The following KANSL1 variants were observed in gnomAD, a reference collection of about 807,000 sequenced individuals.
KANSL1 encodes the protein KAT8 regulatory NSL complex subunit 1, also known as MLL1/MLL complex subunit KANSL1.
A neutral mutation model predicts 103.6 loss-of-function variants in KANSL1; 22 were observed. The observed-to-expected ratio is 0.21, with a 90% CI of 0.15 to 0.30. The LOEUF is 0.30. KANSL1 is among the 10% of genes least tolerant of loss of function. KANSL1 has a pLI of 1.00. For synonymous variants in KANSL1, 600 were observed against 527.6 expected, an observed-to-expected ratio of 1.14 and a Z score of -1.88; for missense variants, 1,337 against 1,399.8, an observed-to-expected ratio of 0.96 and a Z score of 0.72.
chr17:46,163,594 G>C (rs2147647571), intron 2 of KANSL1, among the ~76,000 whole-genome samples: 1 of 152,292 alleles, frequency 6.6e-6, no homozygotes, highest in South Asian at 2.1e-4. Flanking sequence ...TAAGACTCTA[G>C]TAAAGAACCT....
chr17:46,062,684 T>C (rs1205723264), intron 6 of KANSL1, among the ~76,000 whole-genome samples: 1 of 151,892 alleles, frequency 6.6e-6, no homozygotes, highest in East Asian at 1.9e-4. Flanking sequence ...AAAGAGTTAC[T>C]GCACTAAACG....
chr17:46,171,417 G>C lies in KANSL1; in HGVS notation c.727C>G (p.Gln243Glu). Residue 243 changes from glutamine (Q) to glutamate (E), a missense_variant, in exon 2 of 15, where the codon CAA (glutamine) becomes GAA (glutamate). By Grantham distance (29) the Gln-to-Glu change is conservative. Coordinates refer to ENST00000432791, the MANE Select transcript of KANSL1 (RefSeq NM_015443.4). ...SVNSMEQPAL[Q>E]GSSRLSPGTD... ...CCAGGTGATAATCTACTGCTTCCTT[G>C]AAGTGCCGGCTGTTCCATGGAATTG... 6.2e-7 allele frequency: 1 copy of C among 1,614,016 alleles called. No homozygotes were observed. The highest frequency in any genetic ancestry group is 8.5e-7 in the Non-Finnish European group (1 of 1,179,954).
intron 2 of KANSL1, chr17:46,170,640 C>T: frequency 3.7e-6 from 2 of 539,740 alleles, no homozygotes; most frequent in South Asian, 6.7e-5. Flanking sequence ...GAAATTACCA[C>T]CATTTAGACT....
At chr17:46,084,595 T>C (rs2079095609) in intron 3 of KANSL1, among the ~76,000 whole-genome samples, 1 of 149,186 alleles carries the variant, frequency 6.7e-6, no homozygotes, top group African/African-American at 2.5e-5. Context: ...GGCAGGAGAA[T>C]CGCTTGAACC....
intron 2 of KANSL1, among the ~76,000 whole-genome samples, chr17:46,167,316 A>G (rs1441970063): frequency 6.6e-6 from 1 of 152,234 alleles, no homozygotes; most frequent in Non-Finnish European, 1.5e-5. Context: ...AATATAAAAG[A>G]AAGAAGAGCA....
intron 1 of KANSL1, among the ~76,000 whole-genome samples, chr17:46,200,313 T>TA (rs1296421798): frequency 6.6e-6 from 1 of 152,076 alleles, no homozygotes; most frequent in Non-Finnish European, 1.5e-5. Context: ...AAAGGAAACA[T>TA]AAAGGTAAAT....
intron 2 of KANSL1, among the ~76,000 whole-genome samples, chr17:46,145,683 C>T (rs1417552600): frequency 6.6e-6 from 1 of 152,230 alleles, no homozygotes; most frequent in Admixed American, 6.5e-5. Flanking sequence ...AACAACAAAA[C>T]ATAAGCTCTA....
chr17:46,119,142 A>G (rs1441148486), intron 2 of KANSL1, among the ~76,000 whole-genome samples: 1 of 152,188 alleles, frequency 6.6e-6, no homozygotes, highest in Non-Finnish European at 1.5e-5. Context: ...ACATTACATG[A>G]CTTTTCATCA....
intron 4 of KANSL1, among the ~76,000 whole-genome samples, chr17:46,069,306 A>G (rs1027964021): frequency 2.0e-5 from 3 of 152,198 alleles, no homozygotes; most frequent in African/African-American, 7.2e-5. Context: ...AAATATTCCT[A>G]TAAATGCTTC....
chr17:46,068,014 G>T (rs945981435), intron 4 of KANSL1, among the ~76,000 whole-genome samples: 2 of 152,038 alleles, frequency 1.3e-5, no homozygotes, highest in Admixed American at 1.3e-4. Context: ...GCTTTGGGGG[G>T]AAGAGGGATG....
chr17:46,099,035 T>C (rs1350117039), intron 2 of KANSL1, among the ~76,000 whole-genome samples: 1 of 147,368 alleles, frequency 6.8e-6, no homozygotes, highest in African/African-American at 2.4e-5. Flanking sequence ...CCTTAACAAA[T>C]ACAAGCGGCC....
intron 6 of KANSL1, among the ~76,000 whole-genome samples, chr17:46,056,690 C>T (rs1042504456): frequency 3.3e-5 from 5 of 152,212 alleles, no homozygotes; most frequent in Admixed American, 2.6e-4. Flanking sequence ...TGATAAGTCA[C>T]ATGACATCCT....
intron 2 of KANSL1, among the ~76,000 whole-genome samples, chr17:46,164,581 T>C (rs1314602920): frequency 2.0e-5 from 3 of 152,250 alleles, no homozygotes; most frequent in African/African-American, 7.2e-5. Context: ...TAATGGACTA[T>C]GAAAAGTAAA....
intron 3 of KANSL1, among the ~76,000 whole-genome samples, chr17:46,088,994 T>C (rs947936712): frequency 6.1e-5 from 9 of 147,340 alleles, no homozygotes; most frequent in African/African-American, 1.7e-4. Context: ...CAAAGTATGT[T>C]AGAAAAAAAA....
chr17:46,065,318 TTTTC>T (rs1276325996), intron 6 of KANSL1, among the ~76,000 whole-genome samples: 1 of 152,158 alleles, frequency 6.6e-6, no homozygotes, highest in African/African-American at 2.4e-5. Flanking sequence ...TCATTTATTA[TTTTC>T]TTTCTCTTAA....
At chr17:46,064,145 T>C (rs1256803387) in intron 6 of KANSL1, among the ~76,000 whole-genome samples, 2 of 151,968 alleles carry the variant, frequency 1.3e-5, no homozygotes, top group Non-Finnish European at 2.9e-5. Flanking sequence ...TTTCTGCTAT[T>C]TTGATATTTC....
chr17:46,193,094 C>A lies in KANSL1; in HGVS notation c.-361G>T, dbSNP rs979124620. 2.0e-5 allele frequency: 3 copies of A among 152,198 alleles called. No homozygotes were observed. The highest frequency in any genetic ancestry group is 7.3e-5 in the African/African-American group (3 of 41,336). The allele number at this position is 152,198 out of a possible 1,614,324, so 9.4% of individuals were successfully genotyped here. ...GGCCCTTTCCCGGCCTTGCTCCGCA[C>A]CGACGGGGCCCGAGCACGGCTGGAG... On this transcript the variant is annotated 5_prime_UTR_variant, in exon 1 of 15. Coordinates refer to ENST00000432791, the MANE Select transcript of KANSL1 (RefSeq NM_015443.4).
In KANSL1 at chr17:46,176,881, G is replaced by A. The variant is rs568649554; in HGVS notation, c.-89-4649C>T. On this transcript the variant is annotated intron_variant, in intron 1 of 14. Transcript: ENST00000432791. ...CAATCATCTAAGTAAGGGGGTGGGG[G>A]AGGAGAGAGAGTGCAGAGAACAGGA... Among the ~76,000 whole-genome samples, 558 of 152,176 alleles carry A rather than the reference G, an allele frequency of 3.7e-3. 1 individual carries two copies. The highest frequency in any genetic ancestry group is 0.017 in the Middle Eastern group (5 of 292).
At chr17:46,049,252 T>A (rs2077624571) in intron 7 of KANSL1, 1 of 146,930 alleles carries the variant, frequency 6.8e-6, no homozygotes, top group South Asian at 2.3e-4. Context: ...TTTTTTTTTT[T>A]TTTTTTTTTT....
Sources: gnomAD v4.1 joint callset for allele counts (sites outside exome capture counted in the v4.1 genomes callset) on GRCh38, gnomAD v4.1.1 for gene constraint, MANE v1.5 for transcripts, NCBI Gene and HGNC (gene_info 2026-07-23, HGNC 2026-07-21) for gene names.